DNAJC5B: variants seen among roughly 807,000 people sequenced by gnomAD.
DNAJC5B encodes the protein dnaJ homolog subfamily C member 5B.
In DNAJC5B, 23 loss-of-function variants were observed where a neutral mutation model predicts 24.7. The ratio of observed to expected loss-of-function variants is 0.93; its 90% CI spans 0.67 to 1.32. DNAJC5B has a LOEUF of 1.32. Ranked by LOEUF, DNAJC5B falls within the 40% of genes most tolerant of loss-of-function variation. The pLI is 0.00. For missense variants in DNAJC5B, 238 were observed against 240.8 expected (o/e 0.99, Z 0.08); for synonymous variants, 101 against 90.1 (o/e 1.12, Z -0.68).
intron 5 of DNAJC5B, among the ~76,000 whole-genome samples, chr8:66,087,890 T>A (rs764677374): frequency 6.6e-5 from 10 of 152,184 alleles, no homozygotes; most frequent in Non-Finnish European, 1.0e-4. Flanking sequence ...CTTTTCCAGG[T>A]TCTTGGTGCA....
chr8:66,090,003 C>T (rs1807811603), intron 5 of DNAJC5B, among the ~76,000 whole-genome samples: 1 of 152,084 alleles, frequency 6.6e-6, no homozygotes, highest in African/African-American at 2.4e-5. Flanking sequence ...AATTTGAAAC[C>T]TTAAAGGTAA....
At position 66,100,862 on chromosome 8, in the gene DNAJC5B, C is replaced by T. The variant is rs765133069; in HGVS notation, c.*831C>T. On this transcript the variant is annotated 3_prime_UTR_variant, in exon 6 of 6. Transcript: ENST00000276570. ...CCTAAATTTACACCAAAACATGTAT[C>T]ACCTCATTTTTGTTAAAATTAGTTG... 1.4e-4 allele frequency among the ~76,000 whole-genome samples: 22 copies of T among 152,112 alleles called. No individual in the cohort carries two copies. Among genetic ancestry groups the T allele is most frequent in the Non-Finnish European group, 3.1e-4 (21 of 68,022 alleles).
intron 4 of DNAJC5B, among the ~76,000 whole-genome samples, chr8:66,079,414 C>T (rs1384815023): frequency 6.6e-6 from 1 of 152,124 alleles, no homozygotes; most frequent in Non-Finnish European, 1.5e-5. Context: ...GCATGAAATG[C>T]AACTGGGGAC....
intron 3 of DNAJC5B, among the ~76,000 whole-genome samples, chr8:66,063,839 A>G (rs1807134453): frequency 6.6e-6 from 1 of 151,784 alleles, no homozygotes; most frequent in Non-Finnish European, 1.5e-5. Context: ...CACTCACTGT[A>G]CTCTCCCTTG....
chr8:66,046,981 G>A (rs1049057563), intron 2 of DNAJC5B, among the ~76,000 whole-genome samples: 1 of 152,220 alleles, frequency 6.6e-6, no homozygotes, highest in African/African-American at 2.4e-5. Context: ...CTCCTTGTGG[G>A]TGGATCTCAG....
chr8:66,062,473 C>T (rs779960831), intron 3 of DNAJC5B, among the ~76,000 whole-genome samples: 9 of 152,200 alleles, frequency 5.9e-5, no homozygotes, highest in Non-Finnish European at 1.0e-4. Context: ...AGTTTAAAAT[C>T]TCATTTGTAA....
chr8:66,096,621 C>T (rs77575617), intron 5 of DNAJC5B, among the ~76,000 whole-genome samples: 2,552 of 152,118 alleles, frequency 0.017, 57 homozygotes, highest in African/African-American at 0.057. Flanking sequence ...ATTATGGAGT[C>T]ACTTCTAGCC....
At chr8:66,079,258 A>G (rs1807538465) in intron 4 of DNAJC5B, among the ~76,000 whole-genome samples, 1 of 152,204 alleles carries the variant, frequency 6.6e-6, no homozygotes, top group South Asian at 2.1e-4. Flanking sequence ...ATAAGCATCT[A>G]ACACATACCA....
intron 2 of DNAJC5B, among the ~76,000 whole-genome samples, chr8:66,050,507 G>T (rs1339667853): frequency 6.6e-6 from 1 of 152,108 alleles, no homozygotes; most frequent in Non-Finnish European, 1.5e-5. Flanking sequence ...AATTGTATAG[G>T]TTTCACCATC....
upstream of DNAJC5B, among the ~76,000 whole-genome samples, chr8:66,020,742 ATC>A (rs1806097869): frequency 1.3e-5 from 2 of 151,858 alleles, no homozygotes; most frequent in African/African-American, 2.4e-5. Flanking sequence ...GGTTTAAGCG[ATC>A]ATCCCCTGTC....
At chr8:66,070,381 C>G (rs983649566) in intron 3 of DNAJC5B, among the ~76,000 whole-genome samples, 1 of 152,092 alleles carries the variant, frequency 6.6e-6, no homozygotes, top group East Asian at 1.9e-4. Context: ...CAAAATCAAT[C>G]TGCAAAAATC....
intron 2 of DNAJC5B, among the ~76,000 whole-genome samples, chr8:66,049,710 G>T (rs187834016): frequency 1.1e-4 from 17 of 152,306 alleles, no homozygotes; most frequent in African/African-American, 4.1e-4. Context: ...CATAATCCGT[G>T]TAGTAGATTA....
At chr8:66,080,669 TCA>T in intron 5 of DNAJC5B, 121 bp downstream of exon 5, 1 of 780,046 alleles carries the variant, frequency 1.3e-6, no homozygotes, top group Non-Finnish European at 2.0e-6. Flanking sequence ...GGGTGGAACT[TCA>T]CAGACTGTCA....
chr8:66,077,090 A>T (rs552172963), intron 4 of DNAJC5B, among the ~76,000 whole-genome samples: 1 of 152,368 alleles, frequency 6.6e-6, no homozygotes, highest in South Asian at 2.1e-4. Flanking sequence ...ACTTCTAGAC[A>T]TTAATTATAT....
At chr8:66,070,404 A>G (rs1176910864) in intron 3 of DNAJC5B, among the ~76,000 whole-genome samples, 1 of 152,200 alleles carries the variant, frequency 6.6e-6, no homozygotes, top group Admixed American at 6.6e-5. Context: ...AAGCATTCCT[A>G]TATACCAATA....
intron 1 of DNAJC5B, among the ~76,000 whole-genome samples, chr8:66,040,472 TTA>T (rs1322640370): frequency 2.0e-5 from 3 of 152,240 alleles, no homozygotes; most frequent in Non-Finnish European, 4.4e-5. Flanking sequence ...GAATTTTATT[TTA>T]TGTTTTTTCA....
intron 5 of DNAJC5B, among the ~76,000 whole-genome samples, chr8:66,093,964 T>A (rs1807899213): frequency 6.6e-6 from 1 of 152,180 alleles, no homozygotes; most frequent in Non-Finnish European, 1.5e-5. Context: ...TTCAGCACAC[T>A]GATTTCTAAT....
At chr8:66,054,069 G>T (rs1806912560) in intron 3 of DNAJC5B, among the ~76,000 whole-genome samples, 1 of 151,152 alleles carries the variant, frequency 6.6e-6, no homozygotes, top group Non-Finnish European at 1.5e-5. Flanking sequence ...TATTGAACAT[G>T]TAAGTTCTTT....
upstream of DNAJC5B, among the ~76,000 whole-genome samples, chr8:66,019,233 A>T (rs558700536): frequency 6.6e-6 from 1 of 152,366 alleles, no homozygotes; most frequent in Non-Finnish European, 1.5e-5. Flanking sequence ...CTGCCAGAGG[A>T]ATACCCTGTT....
Sources: gnomAD v4.1 joint callset for allele counts (sites outside exome capture counted in the v4.1 genomes callset) on GRCh38, gnomAD v4.1.1 for gene constraint, MANE v1.5 for transcripts, NCBI Gene and HGNC (gene_info 2026-07-23, HGNC 2026-07-21) for gene names.